UPP2: variants seen among roughly 807,000 people sequenced by gnomAD.
UPP2 encodes the protein UPase 2.
Under a neutral mutation model 26.7 loss-of-function variants are expected in UPP2, and 23 were observed. The ratio of observed to expected loss-of-function variants is 0.86; its 90% confidence interval spans 0.62 to 1.22. The LOEUF is 1.22. Among genes scored for constraint, UPP2 ranks in the 50% most tolerant of loss-of-function variants. The probability of loss-of-function intolerance (pLI) is 0.00; values close to 1 mark genes in which losing one functional copy is unlikely to be tolerated. For synonymous variants in UPP2, 127 were observed against 141.3 expected, an observed-to-expected ratio of 0.90 and a Z score of 0.72; for missense variants, 387 against 396.7, an observed-to-expected ratio of 0.98 and a Z score of 0.21.
chr2:158,117,927 CA>C lies in UPP2; in HGVS notation c.444del (p.Gly150GlufsTer2), dbSNP rs749207147. 2.9e-5 allele frequency: 47 copies of C among 1,609,646 alleles called. No individual in the cohort carries two copies. Among genetic ancestry groups the C allele is most frequent in the South Asian group, 1.9e-4 (17 of 91,004 alleles). On this transcript the variant is annotated frameshift_variant, in exon 4 of 7. Coordinates refer to ENST00000005756, the MANE Select transcript of UPP2 (RefSeq NM_173355.4). LOFTEE classifies it high-confidence loss of function. ...CDVTIIRIGT[S>X]GGIGIAPGTV... ...GTCACCATTATTAGAATCGGTACAT[CA>C]GGGGGAATAGGTGAGACGGATTGAT...
chr2:157,996,296 A>T (rs1229265189), intron 2 of UPP2, among the ~76,000 whole-genome samples: 1 of 152,138 alleles, frequency 6.6e-6, no homozygotes, highest in Admixed American at 6.6e-5. Flanking sequence ...TATTGCCTAA[A>T]CATACTTTTT....
At chr2:158,039,136 T>C (rs1173327374) in intron 3 of UPP2, among the ~76,000 whole-genome samples, 2 of 152,200 alleles carry the variant, frequency 1.3e-5, no homozygotes, top group Non-Finnish European at 2.9e-5. Context: ...AAGCCATAGT[T>C]GCTCTGTGGG....
intron 3 of UPP2, among the ~76,000 whole-genome samples, chr2:158,030,490 G>C (rs1252698921): frequency 6.6e-6 from 1 of 152,118 alleles, no homozygotes; most frequent in African/African-American, 2.4e-5. Flanking sequence ...TCTGTTCTGT[G>C]TAAGTTTGTG....
At chr2:158,001,920 C>T (rs999867782) in intron 2 of UPP2, among the ~76,000 whole-genome samples, 15 of 127,272 alleles carry the variant, frequency 1.2e-4, no homozygotes, top group African/African-American at 3.8e-4. Flanking sequence ...TTCCTTGAAG[C>T]GGACAGCTTT....
chr2:158,028,723 T>C (rs1683874543), intron 3 of UPP2, among the ~76,000 whole-genome samples: 2 of 152,204 alleles, frequency 1.3e-5, no homozygotes, highest in Admixed American at 6.5e-5. Context: ...GAGGTTTAAT[T>C]GGACTTACAG....
chr2:158,035,196 C>T (rs138124927), intron 3 of UPP2, among the ~76,000 whole-genome samples: 7,245 of 149,644 alleles, frequency 0.048, 312 homozygotes, highest in East Asian at 0.12. Flanking sequence ...CTTGCTCTGT[C>T]GCCCAGGCTG....
At position 158,077,730 on chromosome 2, in the gene UPP2, G is replaced by A. The variant is rs187326318; in HGVS notation, c.148-24310G>A. Among the ~76,000 whole-genome samples, 461 of 152,108 alleles carry A rather than the reference G, an allele frequency of 3.0e-3. 2 individuals are homozygous for A. The highest frequency in any genetic ancestry group is 0.011 in the African/African-American group (439 of 41,520). ...ACATTGGATTGGCTAAAAATTTCTT[G>A]AGTAATAAACTACAAGCACAGGCAA... On this transcript the variant is annotated intron_variant, in intron 3 of 9. Transcript: ENST00000605860.
At chr2:158,078,495 T>C (rs1682666793) in intron 3 of UPP2, among the ~76,000 whole-genome samples, 1 of 152,146 alleles carries the variant, frequency 6.6e-6, no homozygotes, top group South Asian at 2.1e-4. Flanking sequence ...TGGATGGAAC[T>C]GGCAATCATT....
At chr2:158,109,541 C>T (rs982629115) in intron 2 of UPP2, among the ~76,000 whole-genome samples, 1 of 152,148 alleles carries the variant, frequency 6.6e-6, no homozygotes, top group Admixed American at 6.6e-5. Flanking sequence ...CAGCAGATGA[C>T]AGCGACAATA....
intron 2 of UPP2, among the ~76,000 whole-genome samples, chr2:158,013,947 AC>A (rs575332635): frequency 2.6e-5 from 4 of 152,214 alleles, no homozygotes; most frequent in Non-Finnish European, 4.4e-5. Context: ...CCTAACAGTT[AC>A]AAGAACTGTT....
At chr2:158,024,436 C>T (rs979817440) in intron 3 of UPP2, among the ~76,000 whole-genome samples, 1 of 152,170 alleles carries the variant, frequency 6.6e-6, no homozygotes, top group African/African-American at 2.4e-5. Context: ...ATTTAATTAG[C>T]AGTAGGGCCC....
chr2:158,067,135 T>C (rs1682449206), intron 3 of UPP2, among the ~76,000 whole-genome samples: 1 of 152,132 alleles, frequency 6.6e-6, no homozygotes, highest in South Asian at 2.1e-4. Flanking sequence ...GACATCTAAT[T>C]TTTATATGCC....
chr2:158,064,040 G>A (rs1325074098), intron 3 of UPP2, among the ~76,000 whole-genome samples: 1 of 152,174 alleles, frequency 6.6e-6, no homozygotes, highest in Non-Finnish European at 1.5e-5. Context: ...ATTGTGAATA[G>A]TGCTGCAGTA....
intron 2 of UPP2, among the ~76,000 whole-genome samples, chr2:158,000,485 C>T (rs1467573071): frequency 6.6e-6 from 1 of 152,220 alleles, no homozygotes; most frequent in African/African-American, 2.4e-5. Flanking sequence ...CTCTTTTGTG[C>T]TCACTGTTGC....
At chr2:158,048,537 G>C (rs1349505812) in intron 3 of UPP2, among the ~76,000 whole-genome samples, 3 of 152,212 alleles carry the variant, frequency 2.0e-5, no homozygotes, top group Non-Finnish European at 4.4e-5. Flanking sequence ...CCAAGAAATG[G>C]AGGCTGCAGT....
intron 3 of UPP2, among the ~76,000 whole-genome samples, chr2:158,076,696 G>A (rs1023331737): frequency 6.6e-6 from 1 of 151,988 alleles, no homozygotes; most frequent in Non-Finnish European, 1.5e-5. Context: ...ATATGTGAAA[G>A]ACTCACAGCT....
chr2:158,057,306 C>T (rs781721445), intron 3 of UPP2, among the ~76,000 whole-genome samples: 2 of 152,026 alleles, frequency 1.3e-5, no homozygotes, highest in African/African-American at 4.8e-5. Context: ...GAGAGTTAGG[C>T]TCCTGCTCTT....
chr2:158,115,363 C>T (rs973798135), intron 3 of UPP2, 104 bp downstream of exon 3: 7 of 1,365,636 alleles, frequency 5.1e-6, no homozygotes, highest in Non-Finnish European at 6.8e-6. Context: ...CGCATTCTTA[C>T]ACAATCAAAC....
In UPP2 at chr2:158,121,637, C is replaced by T; in HGVS notation, c.664+19C>T. 6.3e-7 allele frequency: 1 copy of T among 1,596,092 alleles called. No homozygotes were observed. The highest frequency in any genetic ancestry group is 1.1e-5 in the South Asian group (1 of 90,648). On this transcript the variant is annotated intron_variant, in intron 5 of 6. Transcript: ENST00000005756. ...TATGAAGGTGAGAACAATTTATAAA[C>T]TGTGAAGGAAACAGAAAAATGCCAG...
Sources: gnomAD v4.1 joint callset for allele counts (sites outside exome capture counted in the v4.1 genomes callset) on GRCh38, gnomAD v4.1.1 for gene constraint, MANE v1.5 for transcripts, NCBI Gene and HGNC (gene_info 2026-07-23, HGNC 2026-07-21) for gene names.